CADM2: variants seen among roughly 807,000 people sequenced by gnomAD.
CADM2 encodes immunoglobulin superfamily member 4D.
CADM2 carries 12 observed loss-of-function variants against 49.8 expected under a neutral mutation model. The ratio of observed to expected loss-of-function variants is 0.24; its 90% CI spans 0.15 to 0.39. The LOEUF (loss-of-function observed/expected upper bound fraction) is 0.39, where lower values mean the gene tolerates loss of function less well. Ranked by LOEUF, CADM2 falls within the 10% of genes least tolerant of loss-of-function variation. The pLI is 1.00. For missense variants in CADM2, 378 were observed against 492.3 expected (o/e 0.77, Z 2.20); for synonymous variants, 214 against 175.4 (o/e 1.22, Z -1.74).
intron 1 of CADM2, among the ~76,000 whole-genome samples, chr3:85,318,307 G>T (rs1274057741): frequency 6.6e-6 from 1 of 152,082 alleles, no homozygotes. Flanking sequence ...CCTAGACCTA[G>T]CAGGAGATCT....
chr3:85,873,962 G>T (rs1411913587), intron 3 of CADM2, among the ~76,000 whole-genome samples: 1 of 151,926 alleles, frequency 6.6e-6, no homozygotes, highest in Non-Finnish European at 1.5e-5. Context: ...ACTTTCCGTA[G>T]CAAAAATATA....
chr3:85,522,132 T>C (rs981685326), intron 1 of CADM2, among the ~76,000 whole-genome samples: 5 of 152,156 alleles, frequency 3.3e-5, no homozygotes, highest in Admixed American at 1.3e-4. Context: ...ATTCTGTTCA[T>C]TCATTCAGGT....
At chr3:85,541,773 T>A (rs1559897701) in intron 1 of CADM2, among the ~76,000 whole-genome samples, 2 of 6,178 alleles carry the variant, frequency 3.2e-4, no homozygotes, top group South Asian at 0.018. Context: ...ATATTTTATA[T>A]TTTATATATA....
chr3:85,444,895 A>C (rs1477998375), intron 1 of CADM2, among the ~76,000 whole-genome samples: 2 of 152,174 alleles, frequency 1.3e-5, no homozygotes, highest in Non-Finnish European at 2.9e-5. Context: ...GCAGTCTAGC[A>C]CAGAAAATAT....
chr3:85,967,944 C>T (rs1725667087), intron 8 of CADM2, among the ~76,000 whole-genome samples: 1 of 151,518 alleles, frequency 6.6e-6, no homozygotes, highest in East Asian at 2.0e-4. Context: ...AACAGACCTA[C>T]CAGTTGGTAA....
At chr3:85,408,515 G>A (rs1226261084) in intron 1 of CADM2, among the ~76,000 whole-genome samples, 1 of 152,142 alleles carries the variant, frequency 6.6e-6, no homozygotes, top group African/African-American at 2.4e-5. Flanking sequence ...AAATTGCGTA[G>A]CAACTACCAT....
intron 1 of CADM2, among the ~76,000 whole-genome samples, chr3:85,640,575 G>A (rs187811826): frequency 2.0e-5 from 3 of 152,246 alleles, no homozygotes; most frequent in Non-Finnish European, 4.4e-5. Flanking sequence ...TTAGGGAACA[G>A]CAAGACGTTT....
At chr3:85,951,666 T>G (rs950205410) in intron 7 of CADM2, among the ~76,000 whole-genome samples, 2 of 150,978 alleles carry the variant, frequency 1.3e-5, no homozygotes, top group Non-Finnish European at 3.0e-5. Context: ...ACAAAAAACC[T>G]CCAAGATACA....
At chr3:85,122,612 A>G (rs893507680) in intron 1 of CADM2, among the ~76,000 whole-genome samples, 6 of 152,106 alleles carry the variant, frequency 3.9e-5, no homozygotes, top group Non-Finnish European at 7.4e-5. Context: ...TTTAATCCAT[A>G]CATCTATATT....
intron 1 of CADM2, among the ~76,000 whole-genome samples, chr3:85,436,197 G>T (rs1373376055): frequency 6.6e-6 from 1 of 152,048 alleles, no homozygotes; most frequent in Non-Finnish European, 1.5e-5. Context: ...GTGAATGGGA[G>T]TTCACTCATG....
At chr3:85,527,289 G>T (rs1329174057) in intron 1 of CADM2, among the ~76,000 whole-genome samples, 1 of 151,518 alleles carries the variant, frequency 6.6e-6, no homozygotes, top group African/African-American at 2.4e-5. Flanking sequence ...AGGATGCCAA[G>T]GTGAGAGGCT....
chr3:85,209,666 A>AC (rs1456407980), intron 1 of CADM2, among the ~76,000 whole-genome samples: 3 of 148,538 alleles, frequency 2.0e-5, no homozygotes, highest in African/African-American at 7.4e-5. Flanking sequence ...CAGGCATCTT[A>AC]AAAAAAAAAC....
At chr3:85,112,916 A>C (rs1025952667) in intron 1 of CADM2, among the ~76,000 whole-genome samples, 2 of 151,768 alleles carry the variant, frequency 1.3e-5, no homozygotes, top group Non-Finnish European at 2.9e-5. Context: ...AAATATGTAC[A>C]TTTATCATAT....
At chr3:85,721,620 C>A (rs1405383816) in intron 1 of CADM2, among the ~76,000 whole-genome samples, 1 of 152,190 alleles carries the variant, frequency 6.6e-6, no homozygotes, top group Non-Finnish European at 1.5e-5. Context: ...CTCCGTGAGG[C>A]TGCAGCTGGA....
At chr3:86,065,467 G>T (rs1294451174) in intron 8 of CADM2, 138 bp from the exon 9 acceptor site, 2 of 770,640 alleles carry the variant, frequency 2.6e-6, no homozygotes, top group Non-Finnish European at 4.0e-6. Flanking sequence ...TTGTTCACAG[G>T]ATGACTGGTG....
chr3:85,290,635 A>C (rs1383789335), intron 1 of CADM2, among the ~76,000 whole-genome samples: 1 of 152,160 alleles, frequency 6.6e-6, no homozygotes, highest in Admixed American at 6.6e-5. Context: ...CTGACCCTTG[A>C]CCCCTGAGCT....
At position 85,637,518 on chromosome 3, in the gene CADM2, C is replaced by T. The variant is rs571339323; in HGVS notation, c.62-89004C>T. Among the ~76,000 whole-genome samples, 132 of 148,328 alleles carry T rather than the reference C, an allele frequency of 8.9e-4. 3 individuals are homozygous for T. In the East Asian group the frequency reaches 0.011, roughly 13 times the overall value. On this transcript the variant is annotated intron_variant, in intron 1 of 9. Coordinates refer to ENST00000383699, the MANE Select transcript of CADM2 (RefSeq NM_001167675.2). ...TCGGGAGGCTGAGGCAGGAGAATGG[C>T]GTGAACCCGGGAAGCGGAGCTTGCA... is the stretch of plus-strand genomic sequence containing the variant.
chr3:85,004,555 A>G (rs2033633115), intron 1 of CADM2, among the ~76,000 whole-genome samples: 1 of 152,126 alleles, frequency 6.6e-6, no homozygotes, highest in African/African-American at 2.4e-5. Context: ...CATGTATGTG[A>G]GATGCCTAAC....
At chr3:85,996,114 TA>T (rs1230105137) in intron 8 of CADM2, among the ~76,000 whole-genome samples, 1 of 149,602 alleles carries the variant, frequency 6.7e-6, no homozygotes, top group Non-Finnish European at 1.5e-5. Context: ...AAAATAAAAA[TA>T]AAAATAAAAT....
Sources: gnomAD v4.1 joint callset for allele counts (sites outside exome capture counted in the v4.1 genomes callset) on GRCh38, gnomAD v4.1.1 for gene constraint, MANE v1.5 for transcripts, NCBI Gene and HGNC (gene_info 2026-07-23, HGNC 2026-07-21) for gene names.